Variants in SCN11A observed in about 807,000 individuals in gnomAD.
The protein encoded by SCN11A is sodium channel protein type 11 subunit alpha.
Under a neutral mutation model 162.2 loss-of-function variants are expected in SCN11A, and 122 were observed. The observed-to-expected ratio is 0.75, with a 90% CI of 0.65 to 0.87. The LOEUF is 0.87. Ranked by LOEUF, SCN11A falls within the 40% of genes least tolerant of loss-of-function variation. SCN11A has a pLI of 0.00. For missense variants in SCN11A, 2,015 were observed against 2,181.6 expected (o/e 0.92, Z 1.52); for synonymous variants, 758 against 751.5 (o/e 1.01, Z -0.14).
chr3:38,984,091 G>C (rs1306838970), intron 2 of SCN11A, among the ~76,000 whole-genome samples: 1 of 152,152 alleles, frequency 6.6e-6, no homozygotes, highest in Non-Finnish European at 1.5e-5. Flanking sequence ...CTTTCCCACT[G>C]TTCCTTCTCT....
chr3:38,905,418 T>C, intron 14 of SCN11A, 97 bp from the exon 15 acceptor site: 1 of 1,411,556 alleles, frequency 7.1e-7, no homozygotes, highest in South Asian at 1.4e-5. Context: ...GTAATGAAAG[T>C]GCTCAACATT....
In SCN11A at chr3:38,950,358, T is replaced by C; in HGVS notation, c.5A>G (p.Asp2Gly). Residue 2 changes from aspartate to glycine, a missense_variant, in exon 5 of 30, where the codon GAT (aspartate) becomes GGT (glycine). Physicochemically the swap from Asp to Gly is moderately conservative, Grantham distance 94. Transcript: ENST00000302328. ...AAAGATTACTGGGTAGCATCTGTCA[T>C]CCATCTTCACCCTCAGGACAGAGAC... MDDRCYPVIFPD... is the reference protein window; with the variant it reads MGDRCYPVIFPD... The C allele has an allele frequency of 1.9e-6, 3 of 1,613,322 alleles. No individual in the cohort carries two copies. Among genetic ancestry groups the C allele is most frequent in the East Asian group, 2.2e-5 (1 of 44,852 alleles).
intron 28 of SCN11A, among the ~76,000 whole-genome samples, chr3:38,858,561 C>G (rs773437522): frequency 3.9e-5 from 6 of 152,006 alleles, no homozygotes; most frequent in Non-Finnish European, 8.8e-5. Flanking sequence ...CACAATAATA[C>G]TGGGAGACTT....
chr3:38,951,545 C>T (rs948637061), intron 4 of SCN11A, among the ~76,000 whole-genome samples: 16 of 152,258 alleles, frequency 1.1e-4, no homozygotes, highest in African/African-American at 3.6e-4. Flanking sequence ...GAGCGCATGG[C>T]GCAGGACTGG....
intron 7 of SCN11A, among the ~76,000 whole-genome samples, chr3:38,935,845 G>A (rs1275778035): frequency 6.6e-6 from 1 of 152,148 alleles, no homozygotes; most frequent in African/African-American, 2.4e-5. Context: ...TAGAAAAAGA[G>A]GGACTCCTCC....
At chr3:39,009,939 C>T (rs1177611083) in intron 2 of SCN11A, among the ~76,000 whole-genome samples, 5 of 150,842 alleles carry the variant, frequency 3.3e-5, no homozygotes, top group East Asian at 2.0e-4. Context: ...CCTACCTCCG[C>T]GTCTCAAAGT....
At chr3:39,035,430 G>A (rs961746029) in intron 1 of SCN11A, among the ~76,000 whole-genome samples, 4 of 152,138 alleles carry the variant, frequency 2.6e-5, no homozygotes, top group South Asian at 2.1e-4. Flanking sequence ...ATCTCTTGCC[G>A]TATATAAAAA....
chr3:38,942,361 C>G (rs1422640758), intron 7 of SCN11A, among the ~76,000 whole-genome samples: 1 of 152,148 alleles, frequency 6.6e-6, no homozygotes, highest in African/African-American at 2.4e-5. Context: ...CTTAACTTAA[C>G]TGACCTTTTA....
chr3:38,904,826 C>T (rs2065767210), intron 15 of SCN11A, among the ~76,000 whole-genome samples: 1 of 152,158 alleles, frequency 6.6e-6, no homozygotes, highest in Admixed American at 6.5e-5. Context: ...ACTGCCACCT[C>T]CTGGAGACTT....
intron 2 of SCN11A, among the ~76,000 whole-genome samples, chr3:38,970,865 G>A (rs1045178956): frequency 2.0e-5 from 3 of 152,204 alleles, no homozygotes; most frequent in African/African-American, 7.2e-5. Context: ...GGAGGGGCAG[G>A]TGTGGATGCT....
At chr3:39,045,915 C>T (rs1396406312) in intron 1 of SCN11A, among the ~76,000 whole-genome samples, 1 of 151,830 alleles carries the variant, frequency 6.6e-6, no homozygotes, top group Non-Finnish European at 1.5e-5. Context: ...TCAAAAAATT[C>T]TCAGAACTGA....
chr3:39,038,082 G>A (rs886763208), intron 1 of SCN11A, among the ~76,000 whole-genome samples: 5 of 152,172 alleles, frequency 3.3e-5, no homozygotes, highest in South Asian at 2.1e-4. Context: ...CTGTGAAGGC[G>A]CTGTGACATT....
Position 38,880,135 on chromosome 3 carries a change from A to G in SCN11A, c.3220-12T>C. 2.5e-6 allele frequency: 4 copies of G among 1,599,464 alleles called. No individual in the cohort carries two copies. Among genetic ancestry groups the G allele is most frequent in the Non-Finnish European group, 3.4e-6 (4 of 1,171,902 alleles). Reference sequence around the variant, plus strand: ...ACATCTTCAAATATCTGAAATGAAAAAGCATAGCCATAGGCCAGGTTGAAT... The same window carrying G: ...ACATCTTCAAATATCTGAAATGAAAGAGCATAGCCATAGGCCAGGTTGAAT... On this transcript the variant is annotated splice_polypyrimidine_tract_variant and intron_variant, in intron 22 of 29. Coordinates refer to ENST00000302328, the MANE Select transcript of SCN11A (RefSeq NM_001349253.2).
At chr3:38,931,009 G>T (rs58867103) in intron 7 of SCN11A, among the ~76,000 whole-genome samples, 1 of 152,166 alleles carries the variant, frequency 6.6e-6, no homozygotes, top group South Asian at 2.1e-4. Context: ...AGAGCAAACC[G>T]CAGCTGTGGA....
At chr3:38,926,015 A>C (rs1483221885) in intron 8 of SCN11A, among the ~76,000 whole-genome samples, 2 of 152,258 alleles carry the variant, frequency 1.3e-5, no homozygotes, top group Non-Finnish European at 2.9e-5. Context: ...CCTACCTCCA[A>C]GGGCTTTTGT....
intron 11 of SCN11A, 136 bp from the exon 12 acceptor site, chr3:38,910,343 G>T: frequency 1.4e-6 from 1 of 739,412 alleles, no homozygotes; most frequent in East Asian, 2.6e-5. Flanking sequence ...TTTGTAAAGT[G>T]GCCCACTGCA....
At chr3:39,011,091 A>C (rs2031118080) in intron 2 of SCN11A, among the ~76,000 whole-genome samples, 1 of 152,178 alleles carries the variant, frequency 6.6e-6, no homozygotes, top group Non-Finnish European at 1.5e-5. Flanking sequence ...AAGAGAAAGG[A>C]GGGCATTTAT....
intron 7 of SCN11A, among the ~76,000 whole-genome samples, chr3:38,930,719 G>A (rs1253171101): frequency 6.6e-6 from 1 of 152,154 alleles, no homozygotes; most frequent in East Asian, 1.9e-4. Context: ...GACATCTGAT[G>A]TGGAGTAAAA....
At chr3:39,039,468 C>T (rs1238869672) in intron 1 of SCN11A, among the ~76,000 whole-genome samples, 3 of 116,086 alleles carry the variant, frequency 2.6e-5, no homozygotes, top group African/African-American at 5.8e-5. Context: ...CATCCTGCCC[C>T]AGGATCCAAT....
Sources: gnomAD v4.1 joint callset for allele counts (sites outside exome capture counted in the v4.1 genomes callset) on GRCh38, gnomAD v4.1.1 for gene constraint, MANE v1.5 for transcripts, NCBI Gene and HGNC (gene_info 2026-07-23, HGNC 2026-07-21) for gene names.